Variants in ARNT2 observed in about 807,000 individuals in gnomAD.
The protein encoded by ARNT2 is ARNT protein 2.
Under a neutral mutation model 91.7 loss-of-function variants are expected in ARNT2, and 36 were observed. The ratio of observed to expected loss-of-function variants is 0.39; its 90% CI spans 0.30 to 0.52. The LOEUF is 0.52. ARNT2 is among the 20% of genes least tolerant of loss of function. The pLI is 0.72. For synonymous variants in ARNT2, 365 were observed against 347.1 expected (o/e 1.05, Z -0.57); for missense variants, 775 against 939.3 (o/e 0.83, Z 2.29).
intron 5 of ARNT2, among the ~76,000 whole-genome samples, chr15:80,493,943 T>C (rs112342745): frequency 5.3e-5 from 8 of 152,104 alleles, no homozygotes; most frequent in Non-Finnish European, 1.2e-4. Context: ...CACCCCTCCT[T>C]CTCTCTCTGT....
intron 8 of ARNT2, among the ~76,000 whole-genome samples, chr15:80,528,327 G>A (rs1363429875): frequency 2.0e-5 from 3 of 151,980 alleles, no homozygotes; most frequent in Non-Finnish European, 2.9e-5. Context: ...GTCATCTGAG[G>A]CTTTGCATCC....
In ARNT2 at chr15:80,576,847, C is replaced by T; in HGVS notation, c.1514-19C>T. Reference sequence around the variant, plus strand: ...GAGCAGGGAACCTTCGCATGTGACTCCTGCTCTGGTTTTCCTAGCGGAGAA... The same window carrying T: ...GAGCAGGGAACCTTCGCATGTGACTTCTGCTCTGGTTTTCCTAGCGGAGAA... On this transcript the variant is annotated intron_variant, in intron 14 of 18. Transcript: ENST00000303329. 6.2e-7 allele frequency: 1 copy of T among 1,613,776 alleles called. No individual in the cohort carries two copies. Among genetic ancestry groups the T allele is most frequent in the East Asian group, 2.2e-5 (1 of 44,888 alleles).
rs112031213 is a variant in ARNT2, at chr15:80,561,717, G to A, written c.1165-1371G>A. On this transcript the variant is annotated intron_variant, in intron 11 of 18. Transcript: ENST00000303329. ...GCCTGGAATGTGAATCCTCCCTTTG[G>A]CCAGTGTATACACACTATGTTCACT... Among the ~76,000 whole-genome samples the A allele has an allele frequency of 4.5e-3, 685 of 152,220 alleles. 3 individuals carry two copies. Among genetic ancestry groups the A allele is most frequent in the Non-Finnish European group, 7.2e-3 (488 of 68,010 alleles).
At chr15:80,564,062 G>C (rs1898424338) in intron 12 of ARNT2, among the ~76,000 whole-genome samples, 1 of 152,206 alleles carries the variant, frequency 6.6e-6, no homozygotes, top group Non-Finnish European at 1.5e-5. Context: ...GCAAACGCAA[G>C]CATGTGGAAG....
At chr15:80,581,095 C>A in intron 16 of ARNT2, 144 bp from the exon 17 acceptor site, 1 of 999,354 alleles carries the variant, frequency 1.0e-6, no homozygotes, top group Non-Finnish European at 1.5e-6. Context: ...GATCCCAGGC[C>A]TGTGCCTAGC....
chr15:80,509,381 G>A (rs899712239), intron 6 of ARNT2, among the ~76,000 whole-genome samples: 4 of 152,102 alleles, frequency 2.6e-5, no homozygotes, highest in Non-Finnish European at 4.4e-5. Context: ...GGCGGAGGTT[G>A]CAGAGAGCTG....
intron 5 of ARNT2, chr15:80,488,479 A>G (rs1341447772): frequency 5.3e-5 from 8 of 152,212 alleles, no homozygotes; most frequent in Admixed American, 2.0e-4. Context: ...AGCTTTGTAC[A>G]TAAGTTTTTA....
intron 1 of ARNT2, chr15:80,444,523 GTTTA>G (rs933274398): frequency 1.3e-5 from 2 of 152,834 alleles, no homozygotes; most frequent in Non-Finnish European, 2.9e-5. Flanking sequence ...TGCATGGTGT[GTTTA>G]TTGATGTGAA....
At chr15:80,451,180 C>A (rs1290528157) in intron 2 of ARNT2, among the ~76,000 whole-genome samples, 186 bp downstream of exon 2, 2 of 152,258 alleles carry the variant, frequency 1.3e-5, no homozygotes, top group Admixed American at 6.5e-5. Context: ...GGCCTCGGCA[C>A]CCAGCTGGGG....
rs1273252238 is a variant in ARNT2 at position 80,595,873 on chromosome 15, A to G, written c.*2175A>G. On this transcript the variant is annotated 3_prime_UTR_variant, in exon 19 of 19. Transcript: ENST00000303329. ...CTTGAGCTTGCCCCAGGCCTTGGGC[A>G]TAATTATTTCCCCCCAAAAAAGGCA... is the stretch of plus-strand genomic sequence containing the variant. 1 of 152,236 alleles carries G rather than the reference A, an allele frequency of 6.6e-6. No individual in the cohort carries two copies. Among genetic ancestry groups the G allele is most frequent in the Non-Finnish European group, 1.5e-5 (1 of 68,036 alleles). 9.4% of individuals were successfully genotyped at this position (152,236 alleles called of 1,614,324 possible).
chr15:80,571,683 C>A (rs917873634), intron 12 of ARNT2, among the ~76,000 whole-genome samples: 1 of 152,198 alleles, frequency 6.6e-6, no homozygotes, highest in Non-Finnish European at 1.5e-5. Context: ...GCTGCTCACT[C>A]CCCCTGTCCC....
chr15:80,519,235 G>A (rs1044463420), intron 8 of ARNT2, among the ~76,000 whole-genome samples: 4 of 152,120 alleles, frequency 2.6e-5, no homozygotes, highest in African/African-American at 9.7e-5. Flanking sequence ...AATGTGCCTG[G>A]GAGATACGTA....
intron 17 of ARNT2, among the ~76,000 whole-genome samples, chr15:80,582,701 T>C (rs77820621): frequency 0.061 from 9,235 of 152,088 alleles, 629 homozygotes; most frequent in African/African-American, 0.15. Flanking sequence ...CTCCTCTTCG[T>C]CTGTTAAGTA....
At chr15:80,514,089 A>T in intron 7 of ARNT2, 113 bp downstream of exon 7, 1 of 1,124,874 alleles carries the variant, frequency 8.9e-7, no homozygotes, top group Non-Finnish European at 1.3e-6. Context: ...GACCAAGAGA[A>T]CCAGACATCA....
intron 1 of ARNT2, among the ~76,000 whole-genome samples, chr15:80,436,649 T>C (rs1896091715): frequency 6.6e-6 from 1 of 152,174 alleles, no homozygotes; most frequent in Non-Finnish European, 1.5e-5. Context: ...CCAGGAAGGA[T>C]GGTAGCTGCT....
chr15:80,445,466 G>A (rs1317135498), intron 1 of ARNT2, among the ~76,000 whole-genome samples: 1 of 150,198 alleles, frequency 6.7e-6, no homozygotes, highest in Non-Finnish European at 1.5e-5. Flanking sequence ...GTTGATGTGA[G>A]TGACGTGTGT....
At chr15:80,428,164 G>A (rs1338597062) in intron 1 of ARNT2, among the ~76,000 whole-genome samples, 2 of 152,228 alleles carry the variant, frequency 1.3e-5, no homozygotes, top group African/African-American at 4.8e-5. Flanking sequence ...CCAAGATTTA[G>A]GTGCCTTCTT....
chr15:80,429,862 T>C (rs1567177421), intron 1 of ARNT2, among the ~76,000 whole-genome samples: 1 of 152,200 alleles, frequency 6.6e-6, no homozygotes, highest in Non-Finnish European at 1.5e-5. Flanking sequence ...CTAAGCTCTG[T>C]ACCACCAGAT....
chr15:80,522,562 C>T (rs1897566523), intron 8 of ARNT2, among the ~76,000 whole-genome samples: 1 of 151,994 alleles, frequency 6.6e-6, no homozygotes, highest in South Asian at 2.1e-4. Context: ...GCCTGTTGCT[C>T]CTAGGCTACA....
Sources: gnomAD v4.1 joint callset for allele counts (sites outside exome capture counted in the v4.1 genomes callset) on GRCh38, gnomAD v4.1.1 for gene constraint, MANE v1.5 for transcripts, NCBI Gene and HGNC (gene_info 2026-07-23, HGNC 2026-07-21) for gene names.